The following LTBP2 variants were observed in gnomAD, a reference collection of about 807,000 sequenced individuals.
LTBP2 encodes latent-transforming growth factor beta-binding protein 2.
In LTBP2, 103 loss-of-function variants were observed where a neutral mutation model predicts 210.6. The ratio of observed to expected loss-of-function variants is 0.49; its 90% CI spans 0.42 to 0.58. LTBP2 has a LOEUF of 0.58. Among genes scored for constraint, LTBP2 ranks in the 20% least tolerant of loss-of-function variants. The pLI is 0.00. For missense variants in LTBP2, 2,313 were observed against 2,494.5 expected (o/e 0.93, Z 1.55); for synonymous variants, 1,007 against 1,015.0 (o/e 0.99, Z 0.15).
Position 74,499,351 on chromosome 14 carries a change from TA to T in LTBP2, c.*1532del, listed in dbSNP as rs1211196885. 4.5e-6 allele frequency: 1 copy of T among 222,256 alleles called. No homozygotes were observed. Among genetic ancestry groups the T allele is most frequent in the Non-Finnish European group, 9.0e-6 (1 of 110,912 alleles). The allele number at this position is 222,256 out of a possible 1,614,324, so 13.8% of individuals were successfully genotyped here. A position where few individuals can be genotyped will look rare whatever the true frequency, so the allele number is the denominator to read the frequency against. Reference sequence around the variant, plus strand: ...TTCTATGTCTCAGTTTCCTCACCTGTAAATTGAGAATAAACAATAGTAAGTA... The same window carrying T: ...TTCTATGTCTCAGTTTCCTCACCTGTAATTGAGAATAAACAATAGTAAGTA... On this transcript the variant is annotated 3_prime_UTR_variant, in exon 36 of 36. Coordinates refer to ENST00000261978, the MANE Select transcript of LTBP2 (RefSeq NM_000428.3).
chr14:74,578,773 G>A (rs1595289070), intron 3 of LTBP2, among the ~76,000 whole-genome samples: 2 of 152,232 alleles, frequency 1.3e-5, no homozygotes, highest in African/African-American at 2.4e-5. Context: ...CTGGGGGAAG[G>A]GGACACAATT....
intron 3 of LTBP2, among the ~76,000 whole-genome samples, chr14:74,564,245 ATATATATTTATATATATT>A (rs2087858496): frequency 1.3e-4 from 5 of 39,194 alleles, no homozygotes; most frequent in East Asian, 9.2e-4. Context: ...ATATATATTT[ATATATATTTATATATATT>A]TATATATATT....
chr14:74,525,232 A>C lies in LTBP2; in HGVS notation c.2429-7T>G. The C allele has an allele frequency of 7.6e-7, 1 of 1,313,156 alleles. No individual in the cohort carries two copies. The highest frequency in any genetic ancestry group is 9.8e-7 in the Non-Finnish European group (1 of 1,018,698). The allele number at this position is 1,313,156 out of a possible 1,614,324, so 81.3% of individuals were successfully genotyped here. ...GGTGGGGTTGTGGCATTCCCTGTGG[A>C]GGAGAGAGGGGAAGAGGTGGGGTTG... On this transcript the variant is annotated splice_region_variant and splice_polypyrimidine_tract_variant and intron_variant, in intron 14 of 35. Transcript: ENST00000261978.
In LTBP2 at chr14:74,509,359, T is replaced by G. The variant is rs760207060; in HGVS notation, c.3282A>C (p.Leu1094=). ...VNEDGTACED[L]DECAFPGVCP... ...AGACTCCCGGGAAGGCACACTCATC[T>G]AGGTCTGCAGACAGACAGCGCTCGC... The change falls in exon 22 of 36, where the codon CTA becomes CTC. Residue 1094 remains leucine (L), a synonymous_variant. Coordinates refer to ENST00000261978, the MANE Select transcript of LTBP2 (RefSeq NM_000428.3). The G allele has an allele frequency of 6.2e-7, 1 of 1,612,662 alleles. No homozygotes were observed. The highest frequency in any genetic ancestry group is 8.5e-7 in the Non-Finnish European group (1 of 1,179,666).
intron 8 of LTBP2, among the ~76,000 whole-genome samples, chr14:74,540,795 T>TAG (rs1555350176): frequency 5.4e-5 from 1 of 18,418 alleles, no homozygotes; most frequent in African/African-American, 7.5e-5. Context: ...ATATATATAT[T>TAG]TATATATATA....
At chr14:74,521,388 T>A (rs975878942) in intron 17 of LTBP2, among the ~76,000 whole-genome samples, 1 of 151,668 alleles carries the variant, frequency 6.6e-6, no homozygotes, top group Non-Finnish European at 1.5e-5. Flanking sequence ...GGGTTTGCGT[T>A]GGGAGCGTAT....
intron 3 of LTBP2, among the ~76,000 whole-genome samples, chr14:74,573,997 A>G (rs1595286115): frequency 6.6e-6 from 1 of 152,140 alleles, no homozygotes; most frequent in East Asian, 1.9e-4. Context: ...GCTCTTAGCC[A>G]CTGTGCCGAG....
In LTBP2 at chr14:74,521,871, CTG is replaced by C. The variant is rs765212103; in HGVS notation, c.2788+38_2788+39del. The C allele has an allele frequency of 9.2e-5, 149 of 1,612,778 alleles. 1 individual carries two copies. Among genetic ancestry groups the C allele is most frequent in the Non-Finnish European group, 1.2e-4 (139 of 1,179,590 alleles). ...TGGTTCCTCTTCCACCCCCTCAAGA[CTG>C]TGGGGCCTGGCCAAGGGCAAGGGCG... On this transcript the variant is annotated intron_variant, in intron 17 of 35. Coordinates refer to ENST00000261978, the MANE Select transcript of LTBP2 (RefSeq NM_000428.3).
At chr14:74,553,505 T>G (rs2087687323) in intron 4 of LTBP2, among the ~76,000 whole-genome samples, 2 of 152,134 alleles carry the variant, frequency 1.3e-5, no homozygotes, top group African/African-American at 2.4e-5. Flanking sequence ...AGCCCCAGCT[T>G]GCCAGAGAGG....
chr14:74,501,862 G>C (rs1356451119), intron 34 of LTBP2: 1 of 527,182 alleles, frequency 1.9e-6, no homozygotes, highest in African/African-American at 1.9e-5. Context: ...CACAATGCCC[G>C]GCTCCTGCTG....
chr14:74,510,462 A>T (rs1232640234), intron 19 of LTBP2, among the ~76,000 whole-genome samples: 1 of 152,222 alleles, frequency 6.6e-6, no homozygotes, highest in Non-Finnish European at 1.5e-5. Context: ...GCAGGGGGCC[A>T]GGTCTCCCCG....
At chr14:74,550,912 C>A (rs1471077121) in intron 7 of LTBP2, 152 bp downstream of exon 7, 6 of 995,498 alleles carry the variant, frequency 6.0e-6, no homozygotes, top group Middle Eastern at 2.2e-4. Flanking sequence ...TGGACAATTT[C>A]ATGCCTTGGG....
In LTBP2 at chr14:74,501,019, CTCAT is replaced by C. The variant is rs1365121522; in HGVS notation, c.5327_5330del (p.Asn1776SerfsTer5). ...CAGCAGGCCCGTTCAAGTCATCACACTCATTCACATCTAAGAGGAAACAAAGGAG... is the reference window on the plus strand; with the variant it reads ...CAGCAGGCCCGTTCAAGTCATCACACTCACATCTAAGAGGAAACAAAGGAG... On this transcript the variant is annotated frameshift_variant, in exon 36 of 36. Coordinates refer to ENST00000261978, the MANE Select transcript of LTBP2 (RefSeq NM_000428.3). LOFTEE classifies it high-confidence loss of function. The C allele has an allele frequency of 2.5e-6, 4 of 1,613,796 alleles. No individual in the cohort carries two copies. The Admixed American group carries it at 6.7e-5, about 27-fold the overall frequency.
chr14:74,554,669 G>A (rs1595272714), intron 4 of LTBP2, among the ~76,000 whole-genome samples: 1 of 152,278 alleles, frequency 6.6e-6, no homozygotes, highest in Non-Finnish European at 1.5e-5. Flanking sequence ...GATAAGGAGT[G>A]ACTGCTGCTT....
chr14:74,503,196 G>A, intron 33 of LTBP2, 23 bp downstream of exon 33: 3 of 1,613,228 alleles, frequency 1.9e-6, no homozygotes. Context: ...GCCCTGCAGG[G>A]TATCCCCTTT....
rs926209142 is a variant in LTBP2 at position 74,504,815 on chromosome 14, C to T, written c.4416G>A (p.Val1472=). ...TCTGTCCAAACGTCCAGGCTCCTTC[C>T]ACAGGAATGTAGCCTTTTCCACTAG... ...ICPSGKGYIP[V]EGAWTFGQTM... Residue 1472 remains valine (V), a synonymous_variant, in exon 30 of 36, where the codon GTG becomes GTA. Transcript: ENST00000261978. 4 of 1,614,132 alleles carry T rather than the reference C, an allele frequency of 2.5e-6. No individual in the cohort carries two copies. Among genetic ancestry groups the T allele is most frequent in the Admixed American group, 1.7e-5 (1 of 60,016 alleles).
intron 22 of LTBP2, 47 bp from the exon 23 acceptor site, chr14:74,508,999 C>G (rs759973424): frequency 3.7e-6 from 6 of 1,609,806 alleles, no homozygotes; most frequent in Non-Finnish European, 5.1e-6. Flanking sequence ...CAGCACCTCC[C>G]AAGGACAGGA....
In LTBP2 at chr14:74,532,410, C is replaced by T; in HGVS notation, c.1987+16G>A. On this transcript the variant is annotated intron_variant, in intron 10 of 35. Transcript: ENST00000261978. ...CTCCCACTGTCCACCCCCACCCCATCCCTGCCAGCACTCACACACACAGCG... is the reference window on the plus strand; with the variant it reads ...CTCCCACTGTCCACCCCCACCCCATTCCTGCCAGCACTCACACACACAGCG... 4 of 1,613,740 alleles carry T rather than the reference C, an allele frequency of 2.5e-6. No individual in the cohort carries two copies. The highest frequency in any genetic ancestry group is 3.4e-6 in the Non-Finnish European group (4 of 1,179,944).
At chr14:74,577,142 T>C (rs997586964) in intron 3 of LTBP2, among the ~76,000 whole-genome samples, 3 of 151,886 alleles carry the variant, frequency 2.0e-5, no homozygotes, top group African/African-American at 4.8e-5. Context: ...CAAGGAGCAA[T>C]TTTGGGAATC....
Sources: allele counts gnomAD v4.1 joint callset (sites outside exome capture counted in the v4.1 genomes callset), GRCh38; gene constraint gnomAD v4.1.1; transcripts MANE v1.5; gene names NCBI Gene and HGNC (gene_info 2026-07-23, HGNC 2026-07-21).